RPA1: variants seen among roughly 807,000 people sequenced by gnomAD.
RPA1 encodes the protein replication protein A 70 kDa DNA-binding subunit.
RPA1 carries 49 observed loss-of-function variants against 83.0 expected under a neutral mutation model. The ratio of observed to expected loss-of-function variants is 0.59; its 90% CI spans 0.47 to 0.75. RPA1 has a LOEUF of 0.75. Ranked by LOEUF, RPA1 falls within the 30% of genes least tolerant of loss-of-function variation. The pLI is 0.00. For missense variants in RPA1, 693 were observed against 776.1 expected (o/e 0.89, Z 1.27); for synonymous variants, 279 against 281.8 (o/e 0.99, Z 0.10).
rs1385392586 is a variant in RPA1, at chr17:1,899,584, G to T, written c.*2409G>T. The stretch of plus-strand genomic sequence containing the variant: ...TGCTGTTCCTTTTTTGAACTGCAGG[G>T]TCAAAAATGTTCCCCTCCCCCACTT... On this transcript the variant is annotated 3_prime_UTR_variant, in exon 17 of 17. Coordinates refer to ENST00000254719, the MANE Select transcript of RPA1 (RefSeq NM_002945.5). The T allele has an allele frequency of 1.3e-5, 2 of 152,042 alleles. No homozygotes were observed. The highest frequency in any genetic ancestry group is 2.9e-5 in the Non-Finnish European group (2 of 68,014). 9.4% of individuals were successfully genotyped at this position (152,042 alleles called of 1,614,324 possible). A position where few individuals can be genotyped will look rare whatever the true frequency, so the allele number is the denominator to read the frequency against.
At chr17:1,849,202 T>G (rs1235023664) in intron 4 of RPA1, among the ~76,000 whole-genome samples, 1 of 152,082 alleles carries the variant, frequency 6.6e-6, no homozygotes, top group African/African-American at 2.4e-5. Flanking sequence ...CTCCATAGAG[T>G]TTCAGTTAAA....
At chr17:1,861,860 G>T (rs1912984423) in intron 5 of RPA1, among the ~76,000 whole-genome samples, 1 of 151,802 alleles carries the variant, frequency 6.6e-6, no homozygotes, top group Admixed American at 6.6e-5. Flanking sequence ...CAGTAGCTGG[G>T]ATTACAGGCG....
At chr17:1,853,075 C>T in intron 4 of RPA1, 26 bp from the exon 5 acceptor site, 1 of 1,597,166 alleles carries the variant, frequency 6.3e-7, no homozygotes, top group Non-Finnish European at 8.6e-7. Flanking sequence ...TTTTTCTAAC[C>T]TGTTTCTGTT....
At chr17:1,846,616 G>A (rs964571445) in intron 4 of RPA1, among the ~76,000 whole-genome samples, 22 of 152,086 alleles carry the variant, frequency 1.4e-4, no homozygotes, top group African/African-American at 5.3e-4. Flanking sequence ...CACCGTGGCC[G>A]GCCGTCCATA....
intron 5 of RPA1, chr17:1,854,006 T>A (rs191760518): frequency 1.3e-5 from 2 of 152,194 alleles, no homozygotes; most frequent in African/African-American, 4.8e-5. Flanking sequence ...TTGAAACAAG[T>A]TGAATATATA....
chr17:1,837,975 G>T (rs1234645134), intron 1 of RPA1, among the ~76,000 whole-genome samples: 1 of 151,980 alleles, frequency 6.6e-6, no homozygotes, highest in Non-Finnish European at 1.5e-5. Context: ...GTTTTTTGCA[G>T]AGTTGTGTTT....
intron 4 of RPA1, among the ~76,000 whole-genome samples, 177 bp downstream of exon 4, chr17:1,844,863 G>A (rs1468668549): frequency 6.6e-6 from 1 of 152,158 alleles, no homozygotes; most frequent in Non-Finnish European, 1.5e-5. Flanking sequence ...AAATTTCAGA[G>A]CAGAAGATTA....
At chr17:1,861,413 G>C (rs568875648) in intron 5 of RPA1, among the ~76,000 whole-genome samples, 1 of 152,104 alleles carries the variant, frequency 6.6e-6, no homozygotes, top group Non-Finnish European at 1.5e-5. Flanking sequence ...CCTTTCTGGT[G>C]GGGGGAGGGG....
At chr17:1,851,308 A>G (rs1039440083) in intron 4 of RPA1, among the ~76,000 whole-genome samples, 1 of 152,076 alleles carries the variant, frequency 6.6e-6, no homozygotes, top group Non-Finnish European at 1.5e-5. Flanking sequence ...ATCTATATGA[A>G]TCAGAATCCA....
At chr17:1,858,105 T>C in intron 5 of RPA1, 1 of 1,613,666 alleles carries the variant, frequency 6.2e-7, no homozygotes, top group Non-Finnish European at 8.5e-7. Context: ...CAGACTGGTA[T>C]AGCTGGGGAA....
At chr17:1,880,835 C>T (rs889200874) in intron 12 of RPA1, 144 bp downstream of exon 12, 1 of 1,141,424 alleles carries the variant, frequency 8.8e-7, no homozygotes, top group Non-Finnish European at 1.2e-6. Context: ...GGCATTATGC[C>T]TTCTGTGAGG....
chr17:1,845,324 G>A (rs1244886587), intron 4 of RPA1, among the ~76,000 whole-genome samples: 1 of 151,824 alleles, frequency 6.6e-6, no homozygotes, highest in Non-Finnish European at 1.5e-5. Context: ...CTTGAGGCCA[G>A]GAGTTTGAGA....
At chr17:1,893,485 A>G (rs1478288057) in intron 15 of RPA1, among the ~76,000 whole-genome samples, 1 of 152,236 alleles carries the variant, frequency 6.6e-6, no homozygotes, top group Non-Finnish European at 1.5e-5. Context: ...TTTACAGAAA[A>G]GAGTTCTGTA....
chr17:1,832,129 C>T (rs1911642903), intron 1 of RPA1, among the ~76,000 whole-genome samples: 1 of 151,890 alleles, frequency 6.6e-6, no homozygotes, highest in African/African-American at 2.4e-5. Flanking sequence ...GGGGGTTTCA[C>T]CATGTTGCCC....
chr17:1,879,018 A>G lies in RPA1; in HGVS notation c.716A>G (p.Asn239Ser), dbSNP rs1339455042. Residue 239 changes from asparagine to serine, a missense_variant, in exon 9 of 17, where the codon AAT (asparagine) becomes AGT (serine). Transcript: ENST00000254719. ...GGTGAAATCCGAGCTACAGCTTTCAATGAGCAAGTGGACAAGTTCTTTCCT... is the reference window on the plus strand; with the variant it reads ...GGTGAAATCCGAGCTACAGCTTTCAGTGAGCAAGTGGACAAGTTCTTTCCT... Reference protein sequence around the residue: ...ESGEIRATAFNEQVDKFFPLI... With the variant: ...ESGEIRATAFSEQVDKFFPLI... 6.8e-6 allele frequency: 11 copies of G among 1,614,194 alleles called. No homozygotes were observed. The highest frequency in any genetic ancestry group is 3.3e-5 in the Admixed American group (2 of 60,024).
chr17:1,833,067 C>T (rs916412477), intron 1 of RPA1, among the ~76,000 whole-genome samples: 4 of 152,108 alleles, frequency 2.6e-5, no homozygotes, highest in Non-Finnish European at 2.9e-5. Flanking sequence ...GCTGGGATTA[C>T]AGGTGCCCAC....
intron 14 of RPA1, among the ~76,000 whole-genome samples, chr17:1,889,902 A>C (rs1278050071): frequency 6.6e-6 from 1 of 152,038 alleles, no homozygotes; most frequent in Admixed American, 6.5e-5. Flanking sequence ...CGGGAGGCTG[A>C]GGCAGGAGAA....
chr17:1,875,888 A>T, intron 7 of RPA1, 95 bp downstream of exon 7: 1 of 1,140,822 alleles, frequency 8.8e-7, no homozygotes, highest in South Asian at 2.3e-5. Context: ...CTTCAGGGTC[A>T]CCACCAAATA....
At chr17:1,895,146 C>A in intron 16 of RPA1, 51 bp downstream of exon 16, 1 of 1,440,608 alleles carries the variant, frequency 6.9e-7, no homozygotes, top group Non-Finnish European at 9.7e-7. Context: ...TGCTGTTTGT[C>A]ACCTACGGCA....
Sources: allele counts gnomAD v4.1 joint callset (sites outside exome capture counted in the v4.1 genomes callset), GRCh38; gene constraint gnomAD v4.1.1; transcripts MANE v1.5; gene names NCBI Gene and HGNC (gene_info 2026-07-23, HGNC 2026-07-21).